TNKS: variants seen among roughly 807,000 people sequenced by gnomAD.
TNKS encodes poly [ADP-ribose] polymerase tankyrase-1.
TNKS carries 72 observed loss-of-function variants against 135.8 expected under a neutral mutation model. The ratio of observed to expected loss-of-function variants is 0.53; its 90% confidence interval spans 0.44 to 0.64. The LOEUF (loss-of-function observed/expected upper bound fraction) is 0.64, where lower values mean the gene tolerates loss of function less well. TNKS is among the 30% of genes least tolerant of loss of function. The probability of loss-of-function intolerance (pLI) is 0.00; values close to 1 mark genes in which losing one functional copy is unlikely to be tolerated. For missense variants in TNKS, 1,769 were observed against 1,674.0 expected, an observed-to-expected ratio of 1.06 and a Z score of -0.99; for synonymous variants, 849 against 649.3, an observed-to-expected ratio of 1.31 and a Z score of -4.68.
chr8:9,663,261 C>T (rs538036178), intron 3 of TNKS, among the ~76,000 whole-genome samples: 2 of 152,262 alleles, frequency 1.3e-5, no homozygotes, highest in East Asian at 3.9e-4. Context: ...TATTGTGTTA[C>T]AATAACAATA....
chr8:9,629,140 G>A (rs1230540051), intron 3 of TNKS, among the ~76,000 whole-genome samples: 1 of 152,148 alleles, frequency 6.6e-6, no homozygotes, highest in Admixed American at 6.5e-5. Context: ...TTTGTTTCTG[G>A]CCTGCAATGA....
At chr8:9,661,383 G>A (rs930712816) in intron 3 of TNKS, among the ~76,000 whole-genome samples, 42 of 152,280 alleles carry the variant, frequency 2.8e-4, no homozygotes, top group Non-Finnish European at 3.5e-4. Flanking sequence ...TACCAAAACA[G>A]AGATAGAGAC....
At chr8:9,586,350 G>T (rs1247220502) in intron 2 of TNKS, among the ~76,000 whole-genome samples, 1 of 152,080 alleles carries the variant, frequency 6.6e-6, no homozygotes, top group African/African-American at 2.4e-5. Context: ...GCAATTTGTT[G>T]TAATTCCCAT....
intron 2 of TNKS, among the ~76,000 whole-genome samples, chr8:9,605,590 C>T (rs1280746526): frequency 2.0e-5 from 3 of 151,988 alleles, no homozygotes; most frequent in Non-Finnish European, 4.4e-5. Context: ...ATGGTTAAAC[C>T]ATTCATTTGT....
chr8:9,720,568 G>C (rs758526016), intron 12 of TNKS, 23 bp downstream of exon 12: 1 of 1,582,104 alleles, frequency 6.3e-7, no homozygotes, highest in Non-Finnish European at 8.6e-7. Context: ...AGACCAACAG[G>C]GCATTTTATG....
chr8:9,658,189 C>A (rs1477121276), intron 3 of TNKS: 1 of 248,812 alleles, frequency 4.0e-6, no homozygotes, highest in African/African-American at 2.8e-5. Flanking sequence ...TCCTCACATC[C>A]CAGACGATGG....
intron 5 of TNKS, among the ~76,000 whole-genome samples, chr8:9,698,186 T>G (rs926008649): frequency 5.9e-5 from 9 of 151,978 alleles, no homozygotes; most frequent in African/African-American, 2.2e-4. Context: ...CACTTATAAG[T>G]GGGATCTAAA....
chr8:9,704,292 A>G (rs1803949970), intron 5 of TNKS, among the ~76,000 whole-genome samples: 1 of 152,206 alleles, frequency 6.6e-6, no homozygotes. Context: ...TGAAAGGAGG[A>G]CAGGATTTAA....
At chr8:9,606,228 G>A (rs28695930) in intron 2 of TNKS, among the ~76,000 whole-genome samples, 35,250 of 138,964 alleles carry the variant, frequency 0.25, 4,629 homozygotes, top group East Asian at 0.35. Context: ...TTTTTCCACC[G>A]TTGAATTACT....
At chr8:9,651,398 A>G (rs1477646588) in intron 3 of TNKS, among the ~76,000 whole-genome samples, 4 of 152,214 alleles carry the variant, frequency 2.6e-5, no homozygotes, top group Non-Finnish European at 5.9e-5. Flanking sequence ...CCATCGGTCA[A>G]AGACCACCAG....
At chr8:9,658,456 A>C in intron 3 of TNKS, 2 of 960,222 alleles carry the variant, frequency 2.1e-6, no homozygotes, top group Non-Finnish European at 1.5e-6. Flanking sequence ...AAGAATTTTC[A>C]ACCCAGAATT....
intron 3 of TNKS, among the ~76,000 whole-genome samples, chr8:9,653,814 C>T (rs1411558656): frequency 2.0e-5 from 3 of 152,154 alleles, no homozygotes; most frequent in African/African-American, 7.2e-5. Context: ...TTTCTGCTGG[C>T]TCCCCTCACT....
At chr8:9,682,274 G>C (rs1018892236) in intron 5 of TNKS, among the ~76,000 whole-genome samples, 7 of 152,040 alleles carry the variant, frequency 4.6e-5, no homozygotes, top group African/African-American at 1.7e-4. Context: ...TAATACTACA[G>C]AACTTATGTG....
At chr8:9,680,129 T>G in intron 4 of TNKS, 142 bp downstream of exon 4, 1 of 577,426 alleles carries the variant, frequency 1.7e-6, no homozygotes, top group Non-Finnish European at 3.1e-6. Context: ...CTTTATGTAC[T>G]TTATATCATT....
At chr8:9,723,042 G>A (rs191281494) in intron 12 of TNKS, among the ~76,000 whole-genome samples, 51 of 150,372 alleles carry the variant, frequency 3.4e-4, no homozygotes, top group Non-Finnish European at 5.2e-4. Flanking sequence ...CATTATATAG[G>A]TAATTAAATG....
At chr8:9,598,502 G>T (rs987116494) in intron 2 of TNKS, among the ~76,000 whole-genome samples, 1 of 151,506 alleles carries the variant, frequency 6.6e-6, no homozygotes, top group Non-Finnish European at 1.5e-5. Context: ...TAATTGCCAG[G>T]CTGGGCAACA....
intron 1 of TNKS, among the ~76,000 whole-genome samples, chr8:9,569,538 A>G (rs6601333): frequency 0.25 from 37,468 of 151,922 alleles, 4,795 homozygotes; most frequent in East Asian, 0.39. Context: ...CATTGTTTGT[A>G]TAATTCTATT....
chr8:9,665,853 T>A (rs1024705739), intron 3 of TNKS, among the ~76,000 whole-genome samples: 1 of 152,126 alleles, frequency 6.6e-6, no homozygotes, highest in Non-Finnish European at 1.5e-5. Flanking sequence ...GCCTTATGAG[T>A]CTCTAAGCCT....
intron 3 of TNKS, among the ~76,000 whole-genome samples, chr8:9,652,010 A>G (rs563411374): frequency 3.3e-5 from 5 of 152,346 alleles, no homozygotes; most frequent in Non-Finnish European, 5.9e-5. Context: ...CATTGTATGC[A>G]TAATTTAAAG....
Sources: allele counts gnomAD v4.1 joint callset (sites outside exome capture counted in the v4.1 genomes callset), GRCh38; gene constraint gnomAD v4.1.1; transcripts MANE v1.5; gene names NCBI Gene and HGNC (gene_info 2026-07-23, HGNC 2026-07-21).